ZC4H2: variants seen among roughly 807,000 people sequenced by gnomAD.
The protein encoded by ZC4H2 is zinc finger C4H2-type containing.
For missense variants in ZC4H2, 137 were observed against 173.9 expected, an observed-to-expected ratio of 0.79 and a Z score of 1.19; for synonymous variants, 84 against 66.3, an observed-to-expected ratio of 1.27 and a Z score of -1.30.
intron 1 of ZC4H2, among the ~76,000 whole-genome samples, chrX:64,957,434 C>T (rs750287939): frequency 8.9e-6 from 1 of 112,399 alleles, no homozygotes; most frequent in South Asian, 3.7e-4. Flanking sequence ...TGCAATAATA[C>T]TTAGCTTGAC....
intron 1 of ZC4H2, among the ~76,000 whole-genome samples, chrX:64,990,277 A>G (rs1362583148): frequency 1.8e-5 from 2 of 112,108 alleles, no homozygotes. Flanking sequence ...CTAAAGGGAT[A>G]TGATTCTATT....
At chrX:64,973,157 A>C (rs1931834463) in intron 1 of ZC4H2, among the ~76,000 whole-genome samples, 1 of 111,442 alleles carries the variant, frequency 9.0e-6, no homozygotes, top group African/African-American at 3.3e-5. Context: ...TTGTGAACAT[A>C]ATTATTGATA....
intron 1 of ZC4H2, among the ~76,000 whole-genome samples, chrX:64,999,758 C>T (rs780579703): frequency 8.9e-5 from 10 of 111,968 alleles, no homozygotes; most frequent in East Asian, 5.7e-4. Flanking sequence ...GGTAGGGGGA[C>T]GGGCATCCAC....
chrX:65,014,164 C>A (rs752396042), intron 1 of ZC4H2, among the ~76,000 whole-genome samples: 2 of 111,107 alleles, frequency 1.8e-5, no homozygotes, highest in South Asian at 7.6e-4. Flanking sequence ...TGGGTGCTTT[C>A]TAATTCCTTT....
At chrX:64,988,161 T>A (rs752860670) in intron 1 of ZC4H2, among the ~76,000 whole-genome samples, 1 of 110,217 alleles carries the variant, frequency 9.1e-6, no homozygotes, top group African/African-American at 3.3e-5. Context: ...TGGTTCCAAG[T>A]CTTTGCTATT....
At chrX:64,951,236 G>C (rs1930811513) in intron 1 of ZC4H2, among the ~76,000 whole-genome samples, 1 of 112,182 alleles carries the variant, frequency 8.9e-6, no homozygotes, top group South Asian at 3.7e-4. Flanking sequence ...TTCCAAGTCT[G>C]CTATTGTGAA....
At chrX:64,976,472 G>T (rs756433853), upstream of ZC4H2, 1,818 of 981,190 alleles carry the variant, frequency 1.9e-3, no homozygotes, top group Non-Finnish European at 2.4e-3. Flanking sequence ...CCGGGCTTGG[G>T]GCTATGAGCC....
At chrX:64,929,675 C>T (rs990110952) in intron 1 of ZC4H2, among the ~76,000 whole-genome samples, 3 of 111,026 alleles carry the variant, frequency 2.7e-5, no homozygotes, top group Admixed American at 9.6e-5. Context: ...TACAGAAGGC[C>T]GTAAGTATTT....
At chrX:64,943,972 T>A (rs904834317) in intron 1 of ZC4H2, among the ~76,000 whole-genome samples, 5 of 110,497 alleles carry the variant, frequency 4.5e-5, no homozygotes, top group African/African-American at 1.6e-4. Context: ...CTGGTACCAG[T>A]TTTTCCCTTC....
intron 1 of ZC4H2, among the ~76,000 whole-genome samples, chrX:65,007,165 TTGTC>T (rs1932680162): frequency 2.7e-5 from 3 of 112,156 alleles, no homozygotes; most frequent in Admixed American, 1.9e-4. Context: ...TTTAAAGTCT[TTGTC>T]TGATATACCT....
chrX:65,004,757 A>C (rs1286602222), intron 1 of ZC4H2, among the ~76,000 whole-genome samples: 1 of 112,180 alleles, frequency 8.9e-6, no homozygotes, highest in East Asian at 2.8e-4. Flanking sequence ...GAAAGAAATA[A>C]AGTGTGTTAA....
chrX:64,982,863 TA>T (rs1307279486), intron 1 of ZC4H2, among the ~76,000 whole-genome samples: 2 of 111,719 alleles, frequency 1.8e-5, no homozygotes, highest in Non-Finnish European at 3.8e-5. Context: ...ACTGGGAAAG[TA>T]AAAATAACAC....
intron 1 of ZC4H2, among the ~76,000 whole-genome samples, chrX:65,021,571 C>A (rs1031459309): frequency 6.3e-5 from 7 of 111,047 alleles, no homozygotes; most frequent in Non-Finnish European, 1.3e-4. Context: ...CAAGGGAAAG[C>A]AGGAAAGATC....
At chrX:64,928,766 CTTT>C (rs1480029299) in intron 1 of ZC4H2, among the ~76,000 whole-genome samples, 1 of 96,889 alleles carries the variant, frequency 1.0e-5, no homozygotes, top group Admixed American at 1.2e-4. Flanking sequence ...TTTTCTTCTT[CTTT>C]TCTTCTTCTC....
At position 64,917,198 on chromosome X, in the gene ZC4H2, G is replaced by A. The variant is rs935845249; in HGVS notation, c.*585C>T. On this transcript the variant is annotated 3_prime_UTR_variant, in exon 5 of 5. Coordinates refer to ENST00000374839, the MANE Select transcript of ZC4H2 (RefSeq NM_018684.4). ...TTAGTATATGTGGGAGACAGAAGTG[G>A]AGAAAGCTAAAGAATTACAGCCATG... 1 of 112,206 alleles carries A rather than the reference G, an allele frequency of 8.9e-6. No homozygotes were observed. The highest frequency in any genetic ancestry group is 3.3e-5 in the African/African-American group (1 of 30,747). The allele number at this position is 112,206 out of a possible 1,213,427, so 9.2% of individuals were successfully genotyped here.
chrX:64,993,905 G>C (rs913557540), intron 1 of ZC4H2, among the ~76,000 whole-genome samples: 1 of 111,975 alleles, frequency 8.9e-6, no homozygotes, highest in Non-Finnish European at 1.9e-5. Context: ...TTACAGATGA[G>C]GAAACTCAGA....
intron 1 of ZC4H2, among the ~76,000 whole-genome samples, chrX:65,021,049 A>G (rs1932833006): frequency 9.0e-6 from 1 of 110,646 alleles, no homozygotes; most frequent in African/African-American, 3.4e-5. Context: ...ACCTACAAAG[A>G]GACTTAGATT....
intron 1 of ZC4H2, among the ~76,000 whole-genome samples, chrX:65,019,327 C>T (rs1050896198): frequency 8.9e-6 from 1 of 112,058 alleles, no homozygotes; most frequent in Non-Finnish European, 1.9e-5. Context: ...GACAAAGCTT[C>T]GAGAGGAAGG....
chrX:65,005,221 G>GA (rs770685286), intron 1 of ZC4H2, among the ~76,000 whole-genome samples: 1 of 111,471 alleles, frequency 9.0e-6, no homozygotes. Flanking sequence ...CAAAGAATTG[G>GA]AAAAAACTAC....
Sources: allele counts gnomAD v4.1 joint callset (sites outside exome capture counted in the v4.1 genomes callset), GRCh38; gene constraint gnomAD v4.1.1; transcripts MANE v1.5; gene names NCBI Gene and HGNC (gene_info 2026-07-23, HGNC 2026-07-21).